PLCH1: variants seen among roughly 807,000 people sequenced by gnomAD.
The protein encoded by PLCH1 is 1-phosphatidylinositol 4,5-bisphosphate phosphodiesterase eta-1.
In PLCH1, 60 loss-of-function variants were observed where a neutral mutation model predicts 126.7. That is an observed-to-expected ratio of 0.47 (90% CI 0.38 to 0.59). The LOEUF is 0.59. Ranked by LOEUF, PLCH1 falls within the 20% of genes least tolerant of loss-of-function variation. The pLI is 0.00. For synonymous variants in PLCH1, 719 were observed against 734.9 expected, an observed-to-expected ratio of 0.98 and a Z score of 0.35; for missense variants, 1,723 against 2,040.0, an observed-to-expected ratio of 0.84 and a Z score of 2.99.
chr3:155,483,147 A>G lies in PLCH1; in HGVS notation c.2975-96T>C. 3.4e-6 allele frequency: 4 copies of G among 1,169,288 alleles called. No individual in the cohort carries two copies. The Admixed American group carries it at 7.8e-5, about 23-fold the overall frequency. 72.4% of individuals were successfully genotyped at this position (1,169,288 alleles called of 1,614,324 possible). On this transcript the variant is annotated intron_variant, in intron 22 of 22. Transcript: ENST00000460012. Reference sequence around the variant, plus strand: ...CTTCGGACAGACAAATGGAGAATGTAAATCTGTTACACTGTGACAGAATAT... The same window carrying G: ...CTTCGGACAGACAAATGGAGAATGTGAATCTGTTACACTGTGACAGAATAT...
At chr3:155,733,978 T>TAA (rs57242658) in intron 1 of PLCH1, among the ~76,000 whole-genome samples, 2 of 126,130 alleles carry the variant, frequency 1.6e-5, no homozygotes, top group East Asian at 4.6e-4. Context: ...TATATATATA[T>TAA]GCACTCAACA....
intron 19 of PLCH1, among the ~76,000 whole-genome samples, chr3:155,490,132 T>C (rs573586728): frequency 6.6e-6 from 1 of 152,352 alleles, no homozygotes; most frequent in East Asian, 1.9e-4. Context: ...AATTAATGAT[T>C]GTGCTTCAAA....
intron 21 of PLCH1, among the ~76,000 whole-genome samples, chr3:155,470,785 G>A (rs1576767707): frequency 6.6e-6 from 1 of 152,126 alleles, no homozygotes; most frequent in East Asian, 1.9e-4. Context: ...CATTCTTAAA[G>A]AAAAGAATTT....
intron 21 of PLCH1, among the ~76,000 whole-genome samples, chr3:155,463,022 T>A (rs1712786766): frequency 6.6e-6 from 1 of 152,202 alleles, no homozygotes; most frequent in South Asian, 2.1e-4. Context: ...AGGCAGTCTT[T>A]TCGTATGGCT....
At chr3:155,592,495 CAAAAA>C (rs35964197) in intron 4 of PLCH1, among the ~76,000 whole-genome samples, 1 of 135,930 alleles carries the variant, frequency 7.4e-6, no homozygotes, top group Non-Finnish European at 1.5e-5. Context: ...ACTCCATCTC[CAAAAA>C]AAAAAAAAAA....
intron 8 of PLCH1, among the ~76,000 whole-genome samples, chr3:155,556,668 C>G (rs576376581): frequency 6.6e-6 from 1 of 152,160 alleles, no homozygotes; most frequent in South Asian, 2.1e-4. Flanking sequence ...CGATTATGCT[C>G]CACAATGTGA....
Position 155,482,859 on chromosome 3 carries a change from C to T in PLCH1, c.3167G>A (p.Gly1056Glu). ...EQLGMSSPRG[G>E]RTTSNATSNC... ...GCTTGTGGCATTTGATGTGGTTCTC[C>T]CACCCCTAGGACTTGACATGCCCAG... is the stretch of plus-strand genomic sequence containing the variant. The change falls in exon 23 of 23, where the codon GGG (glycine) becomes GAG (glutamate). Residue 1056 changes from glycine to glutamate, a missense_variant. This residue lies in a region of PLCH1 where 947 missense variants were observed against 977.1 expected (regional missense o/e 0.97). Transcript: ENST00000460012. 1.2e-6 allele frequency: 2 copies of T among 1,614,072 alleles called. No homozygotes were observed. Among genetic ancestry groups the T allele is most frequent in the Non-Finnish European group, 8.5e-7 (1 of 1,180,004 alleles).
chr3:155,663,676 C>T (rs1216685841), intron 2 of PLCH1, among the ~76,000 whole-genome samples: 1 of 152,146 alleles, frequency 6.6e-6, no homozygotes, highest in Non-Finnish European at 1.5e-5. Context: ...ACCCAGCTAT[C>T]CTTTGCACAC....
At chr3:155,622,415 T>G (rs1736633823) in intron 2 of PLCH1, among the ~76,000 whole-genome samples, 1 of 152,174 alleles carries the variant, frequency 6.6e-6, no homozygotes. Flanking sequence ...ATAACAATAT[T>G]AACCTTAAAT....
chr3:155,543,762 C>T (rs576979894), intron 10 of PLCH1, among the ~76,000 whole-genome samples: 91 of 150,804 alleles, frequency 6.0e-4, no homozygotes, highest in African/African-American at 2.1e-3. Context: ...GAATTTTCAA[C>T]CCAGAATTTC....
intron 21 of PLCH1, among the ~76,000 whole-genome samples, chr3:155,470,194 T>A (rs563611601): frequency 6.6e-6 from 1 of 151,346 alleles, no homozygotes. Flanking sequence ...TTTAGAAGAA[T>A]GTATAACTAG....
intron 21 of PLCH1, among the ~76,000 whole-genome samples, chr3:155,451,587 A>G (rs1314130821): frequency 1.3e-5 from 2 of 152,204 alleles, no homozygotes; most frequent in East Asian, 1.9e-4. Context: ...AACTGAATAA[A>G]GCAGATTTCC....
At chr3:155,504,694 G>T in intron 12 of PLCH1, 68 bp from the exon 13 acceptor site, 1 of 1,034,398 alleles carries the variant, frequency 9.7e-7, no homozygotes, top group Non-Finnish European at 1.5e-6. Flanking sequence ...TAGTTCTGGT[G>T]GAATAGCAAG....
intron 1 of PLCH1, among the ~76,000 whole-genome samples, chr3:155,723,062 T>C (rs907077370): frequency 6.6e-6 from 1 of 152,218 alleles, no homozygotes; most frequent in Non-Finnish European, 1.5e-5. Context: ...GATTGTATAG[T>C]TCCAGGAATT....
At chr3:155,714,787 C>G (rs1307660361) in intron 1 of PLCH1, among the ~76,000 whole-genome samples, 1 of 152,182 alleles carries the variant, frequency 6.6e-6, no homozygotes, top group Non-Finnish European at 1.5e-5. Flanking sequence ...CATTACTGGA[C>G]TTGAATTGCT....
rs759474375 is a variant in PLCH1 at position 155,481,562 on chromosome 3, C to T, written c.4464G>A (p.Gly1488=). Residue 1488 remains glycine, a synonymous_variant, in exon 23 of 23, where the codon GGG becomes GGA. Transcript: ENST00000460012. This position sits in a 1 kb window ranked among gnomAD's most constrained non-coding sequence, Gnocchi z 4.2. ...LPSPCKSKSL[G]DLTSEDIACN... is the part of the protein sequence containing the mutation. ...AGGCAATGTCCTCTGATGTTAAGTC[C>T]CCCAGACTTTTGGATTTGCAAGGAC... 1 of 1,614,092 alleles carries T rather than the reference C, an allele frequency of 6.2e-7. No homozygotes were observed. The highest frequency in any genetic ancestry group is 1.7e-5 in the Admixed American group (1 of 60,016).
At chr3:155,504,288 AT>A (rs1479422820) in intron 13 of PLCH1, among the ~76,000 whole-genome samples, 1 of 152,242 alleles carries the variant, frequency 6.6e-6, no homozygotes, top group Non-Finnish European at 1.5e-5. Flanking sequence ...GGATATGTAT[AT>A]TTAAGATGTT....
downstream of PLCH1, among the ~76,000 whole-genome samples, chr3:155,475,477 C>T (rs1293460823): frequency 1.3e-5 from 2 of 151,498 alleles, no homozygotes; most frequent in Admixed American, 6.6e-5. Context: ...GATCAGAGCA[C>T]AAATAAACAA....
intron 8 of PLCH1, among the ~76,000 whole-genome samples, chr3:155,563,686 T>A (rs1267980430): frequency 1.3e-5 from 2 of 151,610 alleles, no homozygotes; most frequent in Non-Finnish European, 2.9e-5. Flanking sequence ...GCCCAAATAA[T>A]CTTTCTCAAC....
Sources: gnomAD v4.1 joint callset for allele counts (sites outside exome capture counted in the v4.1 genomes callset) on GRCh38, gnomAD v4.1.1 for gene constraint, gnomAD v4.1.1 regional missense constraint, Gnocchi (gnomAD v3.1) non-coding constraint, MANE v1.5 for transcripts, NCBI Gene and HGNC (gene_info 2026-07-23, HGNC 2026-07-21) for gene names.